Variants in SEC14L3 observed in about 807,000 individuals in gnomAD.
SEC14L3 encodes the protein SEC14 like lipid binding 3.
A neutral mutation model predicts 57.4 loss-of-function variants in SEC14L3; 56 were observed. The ratio of observed to expected loss-of-function variants is 0.97; its 90% CI spans 0.79 to 1.22. SEC14L3 has a LOEUF of 1.22. SEC14L3 is among the 50% of genes most tolerant of loss of function. The pLI, the probability that SEC14L3 is intolerant of heterozygous loss-of-function variation, is 0.00. For missense variants in SEC14L3, 485 were observed against 511.7 expected, an observed-to-expected ratio of 0.95 and a Z score of 0.50; for synonymous variants, 173 against 194.4, an observed-to-expected ratio of 0.89 and a Z score of 0.92.
intron 6 of SEC14L3, among the ~76,000 whole-genome samples, chr22:30,466,781 G>A (rs1444316082): frequency 6.6e-6 from 1 of 152,084 alleles, no homozygotes; most frequent in African/African-American, 2.4e-5. Context: ...TGGAACGTGT[G>A]GTCTCAGTAC....
downstream of SEC14L3, among the ~76,000 whole-genome samples, chr22:30,454,804 T>A (rs1488239017): frequency 2.1e-4 from 10 of 46,890 alleles, no homozygotes; most frequent in African/African-American, 1.2e-3. Context: ...TATTGTATAT[T>A]ATATATTTTA....
chr22:30,466,399 G>A lies in SEC14L3; in HGVS notation c.520-5C>T, dbSNP rs1398780542. ...CTCTTCAAGGAGGCCAAAGAACTGT[G>A]GAACCAAGAGAGATCCCTTCAGAGA... is the stretch of plus-strand genomic sequence containing the variant. On this transcript the variant is annotated splice_polypyrimidine_tract_variant and splice_region_variant and intron_variant, in intron 6 of 11. Transcript: ENST00000215812. The A allele has an allele frequency of 6.2e-7, 1 of 1,613,906 alleles. No homozygotes were observed. Among genetic ancestry groups the A allele is most frequent in the African/African-American group, 1.3e-5 (1 of 74,868 alleles).
downstream of SEC14L3, among the ~76,000 whole-genome samples, chr22:30,457,733 T>C (rs1170779478): frequency 6.6e-6 from 1 of 151,780 alleles, no homozygotes; most frequent in Non-Finnish European, 1.5e-5. Flanking sequence ...CATTTTCTCT[T>C]CTCTTCCTTC....
intron 5 of SEC14L3, 56 bp downstream of exon 5, chr22:30,468,452 C>A (rs532510258): frequency 4.9e-5 from 66 of 1,339,456 alleles, no homozygotes; most frequent in East Asian, 1.4e-4. Context: ...TGAGACCAAT[C>A]CCCCCGGCAG....
At chr22:30,460,274 G>A (rs528883464) in intron 11 of SEC14L3, 132 bp from the exon 12 acceptor site, 12 of 1,487,846 alleles carry the variant, frequency 8.1e-6, no homozygotes, top group South Asian at 5.4e-5. Flanking sequence ...CTCCCACCAC[G>A]CCTCTTCCCT....
chr22:30,460,149 G>C lies in SEC14L3; in HGVS notation c.1082-7C>G, dbSNP rs761209821. 6 of 1,613,322 alleles carry C rather than the reference G, an allele frequency of 3.7e-6. No individual in the cohort carries two copies. The highest frequency in any genetic ancestry group is 3.3e-5 in the Admixed American group (2 of 60,004). On this transcript the variant is annotated splice_polypyrimidine_tract_variant and splice_region_variant and intron_variant, in intron 11 of 11. Coordinates refer to ENST00000215812, the MANE Select transcript of SEC14L3 (RefSeq NM_174975.5). ...TTGTCGAAGCGTAGGACATCTGGGG[G>C]ACAGATGGAAAGAGGGGCATTGGGC... is the stretch of plus-strand genomic sequence containing the variant.
At chr22:30,468,902 G>C in intron 4 of SEC14L3, 4 of 1,516,736 alleles carry the variant, frequency 2.6e-6, no homozygotes, top group Non-Finnish European at 3.5e-6. Flanking sequence ...GCAAAGCCAG[G>C]TCTCAGCAGG....
At chr22:30,460,312 G>C in intron 11 of SEC14L3, 170 bp from the exon 12 acceptor site, 2 of 983,168 alleles carry the variant, frequency 2.0e-6, no homozygotes, top group Non-Finnish European at 2.4e-6. Flanking sequence ...AACCCAAGCA[G>C]GTCCTGTAAA....
chr22:30,461,720 T>G, intron 9 of SEC14L3, 26 bp from the exon 10 acceptor site: 1 of 1,600,956 alleles, frequency 6.2e-7, no homozygotes, highest in African/African-American at 1.3e-5. Context: ...GAGATGGGCT[T>G]GCTTCCGTCT....
chr22:30,453,026 A>C (rs1935017962), intron 12 of SEC14L3, among the ~76,000 whole-genome samples: 1 of 151,966 alleles, frequency 6.6e-6, no homozygotes, highest in African/African-American at 2.4e-5. Flanking sequence ...CTGCAATGAA[A>C]GTTTTTCTAT....
downstream of SEC14L3, among the ~76,000 whole-genome samples, chr22:30,454,532 C>T (rs1935046005): frequency 3.1e-5 from 3 of 96,464 alleles, no homozygotes; most frequent in Non-Finnish European, 5.7e-5. Context: ...TATATATAAT[C>T]TATAATAATA....
chr22:30,465,434 C>T (rs1935388115), intron 7 of SEC14L3, among the ~76,000 whole-genome samples: 2 of 152,008 alleles, frequency 1.3e-5, no homozygotes, highest in Non-Finnish European at 2.9e-5. Context: ...AGTCATCCAA[C>T]CATCCAAATA....
chr22:30,454,809 ATTT>A (rs1215139549), downstream of SEC14L3, among the ~76,000 whole-genome samples: 3 of 47,598 alleles, frequency 6.3e-5, 1 homozygote, highest in Non-Finnish European at 9.2e-5. Context: ...TATATTATAT[ATTT>A]TATATATTAT....
At position 30,468,640 on chromosome 22, in the gene SEC14L3, G is replaced by A. The variant is rs56111151; in HGVS notation, c.291C>T (p.Pro97=). 5.0e-6 allele frequency: 8 copies of A among 1,613,856 alleles called. No homozygotes were observed. The highest frequency in any genetic ancestry group is 6.8e-6 in the Non-Finnish European group (8 of 1,179,934). Residue 97 remains proline, a synonymous_variant, in exon 5 of 12, where the codon CCC becomes CCT. Transcript: ENST00000215812. ...GTGGCCCAATGATGTCATACCACAC[G>A]GGGCAGCCATCACGGTCATAGCCAC... The part of the protein sequence containing the change: ...GLCGYDRDGC[P]VWYDIIGPLD...
chr22:30,468,451 T>TC, intron 5 of SEC14L3, 57 bp downstream of exon 5: 2 of 1,348,188 alleles, frequency 1.5e-6, no homozygotes. Context: ...CTGAGACCAA[T>TC]CCCCCCGGCA....
Position 30,468,913 on chromosome 22 carries a change from C to T in SEC14L3, c.235-217G>A, listed in dbSNP as rs1935515547. The T allele has an allele frequency of 3.3e-6, 5 of 1,498,262 alleles. No individual in the cohort carries two copies. In the Admixed American group the frequency reaches 6.4e-5, roughly 19 times the overall value. The allele number at this position is 1,498,262 out of a possible 1,614,324, so 92.8% of individuals were successfully genotyped here. A position where few individuals can be genotyped will look rare whatever the true frequency, so the allele number is the denominator to read the frequency against. On this transcript the variant is annotated intron_variant, in intron 4 of 11. Transcript: ENST00000215812. ...AATGGCAAAGCCAGGTCTCAGCAGG[C>T]CCTTGGACTTCTTAGGTCTGCCCCT...
downstream of SEC14L3, among the ~76,000 whole-genome samples, chr22:30,457,241 ATCCCCCTCTT>A (rs913401985): frequency 1.3e-5 from 2 of 151,854 alleles, no homozygotes; most frequent in Non-Finnish European, 2.9e-5. Context: ...AGGTGAACCC[ATCCCCCTCTT>A]TCCATCCTCC....
intron 1 of SEC14L3, 31 bp from the exon 2 acceptor site, chr22:30,470,613 C>CTCTCACAT: frequency 6.2e-7 from 1 of 1,614,068 alleles, no homozygotes; most frequent in Non-Finnish European, 8.5e-7. Context: ...TAAAGTGGCT[C>CTCTCACAT]TCTCACATTG....
At chr22:30,454,082 G>C (rs1009450245) in intron 12 of SEC14L3, among the ~76,000 whole-genome samples, 1 of 151,992 alleles carries the variant, frequency 6.6e-6, no homozygotes, top group Non-Finnish European at 1.5e-5. Flanking sequence ...CCTACCTCTG[G>C]ACTCACCCTA....
Sources: allele counts gnomAD v4.1 joint callset (sites outside exome capture counted in the v4.1 genomes callset), GRCh38; gene constraint gnomAD v4.1.1; transcripts MANE v1.5; gene names NCBI Gene and HGNC (gene_info 2026-07-23, HGNC 2026-07-21).